The following PCDHA2 variants were observed in gnomAD, a reference collection of about 807,000 sequenced individuals.
PCDHA2 encodes protocadherin alpha-2.
Under a neutral mutation model 66.0 loss-of-function variants are expected in PCDHA2, and 58 were observed. The observed-to-expected ratio is 0.88, with a 90% CI of 0.71 to 1.09. PCDHA2 has a LOEUF of 1.09. Among genes scored for constraint, PCDHA2 ranks in the 50% least tolerant of loss-of-function variants. The probability of loss-of-function intolerance (pLI) is 0.00; values close to 1 mark genes in which losing one functional copy is unlikely to be tolerated. For missense variants in PCDHA2, 1,267 were observed against 1,242.3 expected (o/e 1.02, Z -0.30); for synonymous variants, 634 against 554.0 (o/e 1.14, Z -2.03).
intron 1 of PCDHA2, among the ~76,000 whole-genome samples, chr5:140,906,853 T>C (rs576448914): frequency 1.3e-5 from 2 of 152,170 alleles, no homozygotes; most frequent in Non-Finnish European, 2.9e-5. Flanking sequence ...AGAGTCTGGG[T>C]CAGTCACCCC....
intron 1 of PCDHA2, chr5:140,930,181 T>C (rs1170637205): frequency 2.0e-5 from 3 of 152,216 alleles, no homozygotes; most frequent in African/African-American, 7.2e-5. Flanking sequence ...AGAGGAAAGA[T>C]GAGTAATTTT....
Position 140,869,675 on chromosome 5 carries a change from G to C in PCDHA2, c.2388+72323G>C, listed in dbSNP as rs1040647730. 3 of 1,613,268 alleles carry C rather than the reference G, an allele frequency of 1.9e-6. No homozygotes were observed. The South Asian group carries it at 3.3e-5, about 18-fold the overall frequency. Reference sequence around the variant, plus strand: ...CCAACAAATGGTAAGCAGATTAAAAGACTGTCACTTATTTTAAAGAAGTCT... The same window carrying C: ...CCAACAAATGGTAAGCAGATTAAAACACTGTCACTTATTTTAAAGAAGTCT... On this transcript the variant is annotated intron_variant, in intron 1 of 3. Transcript: ENST00000526136.
intron 1 of PCDHA2, among the ~76,000 whole-genome samples, chr5:140,909,754 G>T (rs2074670000): frequency 6.6e-6 from 1 of 152,100 alleles, no homozygotes; most frequent in Non-Finnish European, 1.5e-5. Context: ...AATGACCACA[G>T]GATGAGTCCA....
At chr5:140,967,727 G>C in intron 1 of PCDHA2, 2 of 1,614,148 alleles carry the variant, frequency 1.2e-6, no homozygotes, top group Non-Finnish European at 1.7e-6. Flanking sequence ...GCGAGTAATT[G>C]GGGGGCTGGA....
chr5:140,995,073 CA>C (rs537697820), intron 3 of PCDHA2, among the ~76,000 whole-genome samples: 319 of 152,298 alleles, frequency 2.1e-3, no homozygotes, highest in African/African-American at 7.3e-3. Flanking sequence ...CAACCTACAG[CA>C]ATCCAAACTT....
At chr5:140,838,624 A>G (rs181370925) in intron 1 of PCDHA2, among the ~76,000 whole-genome samples, 2 of 152,192 alleles carry the variant, frequency 1.3e-5, no homozygotes, top group Admixed American at 1.3e-4. Flanking sequence ...TTTTTTACAA[A>G]TAATTTGGTT....
intron 1 of PCDHA2, chr5:140,858,161 G>A (rs1409243603): frequency 1.3e-6 from 2 of 1,597,720 alleles, no homozygotes; most frequent in African/African-American, 2.7e-5. Context: ...CATCTGCGCG[G>A]TGTCCAGCTT....
intron 1 of PCDHA2, chr5:140,882,155 T>C (rs1317545188): frequency 1.3e-6 from 2 of 1,504,050 alleles, no homozygotes; most frequent in Admixed American, 2.3e-5. Flanking sequence ...GAAAGCGGAA[T>C]ACCTCTTGCG....
At chr5:140,876,861 C>A in intron 1 of PCDHA2, 2 of 1,614,088 alleles carry the variant, frequency 1.2e-6, no homozygotes, top group Non-Finnish European at 1.7e-6. Flanking sequence ...ACACAGTGTT[C>A]GTGAAGGAGA....
intron 1 of PCDHA2, among the ~76,000 whole-genome samples, chr5:140,933,053 G>C (rs2088831256): frequency 6.6e-6 from 1 of 151,948 alleles, no homozygotes; most frequent in Non-Finnish European, 1.5e-5. Flanking sequence ...TTACAGTCCA[G>C]GATCCTGACT....
intron 1 of PCDHA2, chr5:140,857,713 G>A (rs903592431): frequency 5.6e-6 from 9 of 1,597,320 alleles, no homozygotes; most frequent in Non-Finnish European, 7.7e-6. Flanking sequence ...TGTTCGTGCT[G>A]GACGAGAACG....
intron 1 of PCDHA2, chr5:140,867,406 C>G (rs1394985393): frequency 6.6e-6 from 1 of 151,958 alleles, no homozygotes; most frequent in East Asian, 1.9e-4. Context: ...GATATGTCTC[C>G]TTTAATTTTT....
At chr5:140,927,457 A>G in intron 1 of PCDHA2, 1 of 1,614,098 alleles carries the variant, frequency 6.2e-7, no homozygotes, top group Non-Finnish European at 8.5e-7. Flanking sequence ...GGTGTTGGAG[A>G]AAGCACTGGA....
chr5:140,907,034 C>G (rs1554192846), intron 1 of PCDHA2, among the ~76,000 whole-genome samples: 1 of 152,142 alleles, frequency 6.6e-6, no homozygotes, highest in Admixed American at 6.5e-5. Context: ...AACATAATGT[C>G]ACAGGGACAG....
chr5:140,817,885 G>C (rs1401548186), intron 1 of PCDHA2, among the ~76,000 whole-genome samples: 16 of 152,082 alleles, frequency 1.1e-4, no homozygotes, highest in Admixed American at 1.0e-3. Context: ...AGTTATTTTT[G>C]CCAGCACTTT....
intron 1 of PCDHA2, among the ~76,000 whole-genome samples, chr5:140,960,655 T>C (rs2153725891): frequency 6.6e-6 from 1 of 152,296 alleles, no homozygotes; most frequent in East Asian, 1.9e-4. Context: ...TCCAAATCAA[T>C]GAATGCTTTG....
At chr5:140,954,623 G>C (rs1277762311) in intron 1 of PCDHA2, among the ~76,000 whole-genome samples, 2 of 151,776 alleles carry the variant, frequency 1.3e-5, no homozygotes, top group African/African-American at 4.8e-5. Flanking sequence ...GGCTTGTTTG[G>C]GTTTTTCTTG....
chr5:140,849,774 G>T (rs2150449369), intron 1 of PCDHA2: 2 of 1,598,482 alleles, frequency 1.3e-6, no homozygotes, highest in East Asian at 4.5e-5. Context: ...GGTGGTTACC[G>T]CGCGGGACGG....
Position 140,925,641 on chromosome 5 carries a change from T to TATAATAATAATA in PCDHA2, c.2389-53282_2389-53271dup, listed in dbSNP as rs10569930. On this transcript the variant is annotated intron_variant, in intron 1 of 3. Coordinates refer to ENST00000526136, the MANE Select transcript of PCDHA2 (RefSeq NM_018905.3). ...TGCACATGTACCCTAGAACTTAAAG[T>TATAATAATAATA]ATAATAATAATAATAATAATAATAA... 2.2e-3 allele frequency among the ~76,000 whole-genome samples: 310 copies of TATAATAATAATA among 143,350 alleles called. 1 individual carries two copies. The highest frequency in any genetic ancestry group is 2.8e-3 in the East Asian group (14 of 4,930). 94.0% of individuals were successfully genotyped at this position (143,350 alleles called of 152,430 possible).
Sources: allele counts gnomAD v4.1 joint callset (sites outside exome capture counted in the v4.1 genomes callset), GRCh38; gene constraint gnomAD v4.1.1; transcripts MANE v1.5; gene names NCBI Gene and HGNC (gene_info 2026-07-23, HGNC 2026-07-21).